CLCN4: variants seen among roughly 807,000 people sequenced by gnomAD.
The protein encoded by CLCN4 is H(+)/Cl(-) exchange transporter 4.
A neutral mutation model predicts 41.7 loss-of-function variants in CLCN4; 1 was observed. The ratio of observed to expected loss-of-function variants is 0.02; its 90% CI spans 0.01 to 0.11. The LOEUF (loss-of-function observed/expected upper bound fraction) is 0.11, where lower values mean the gene tolerates loss of function less well. Ranked by LOEUF, CLCN4 falls within the 10% of genes least tolerant of loss-of-function variation. The probability of loss-of-function intolerance (pLI) is 1.00; values close to 1 mark genes in which losing one functional copy is unlikely to be tolerated. For missense variants in CLCN4, 287 were observed against 661.0 expected (o/e 0.43, Z 6.20); for synonymous variants, 277 against 285.8 (o/e 0.97, Z 0.31).
chrX:10,194,831 CCT>C (rs1924054973), intron 4 of CLCN4, 78 bp from the exon 5 acceptor site: 3 of 1,005,609 alleles, frequency 3.0e-6, no homozygotes, highest in Non-Finnish European at 2.8e-6. Flanking sequence ...CTGATGTGCC[CCT>C]GTCTGGCCGC....
Position 10,229,633 on chromosome X carries a change from G to C in CLCN4, c.2193-3861G>C, listed in dbSNP as rs1025176844. On this transcript the variant is annotated intron_variant, in intron 12 of 12. Transcript: ENST00000380833. ...TTGTTCAATTCCCACCTATGAGTGA[G>C]AACATGCGGTGTTTGTTTTTTTGTC... Among the ~76,000 whole-genome samples the C allele has an allele frequency of 2.8e-5, 3 of 108,361 alleles. No homozygotes were observed. In the Admixed American group the frequency reaches 3.0e-4, roughly 11 times the overall value. 94.1% of individuals were successfully genotyped at this position (108,361 alleles called of 115,157 possible).
intron 2 of CLCN4, among the ~76,000 whole-genome samples, chrX:10,173,821 CAGGGAATCTGCTGGAATGT>C (rs977484323): frequency 1.8e-5 from 2 of 111,920 alleles, no homozygotes; most frequent in Non-Finnish European, 1.9e-5. Flanking sequence ...GAAAGAAACC[CAGGGAATCTGCTGGAATGT>C]AGGGAGCCTG....
At chrX:10,224,293 C>CGTGTGTGTGTGT (rs772983564) in intron 12 of CLCN4, among the ~76,000 whole-genome samples, 1,107 of 87,880 alleles carry the variant, frequency 0.013, 40 homozygotes, top group African/African-American at 0.044. Context: ...GGGAGGGTTC[C>CGTGTGTGTGTGT]GTGTGTGTGT....
Position 10,237,546 on chromosome X carries a change from T to TG in CLCN4, c.*3964dup, listed in dbSNP as rs1180164827. The TG allele has an allele frequency of 6.3e-5, 6 of 95,176 alleles. No individual in the cohort carries two copies. The highest frequency in any genetic ancestry group is 5.6e-4 in the East Asian group (1 of 1,791). 7.8% of individuals were successfully genotyped at this position (95,176 alleles called of 1,213,427 possible). On this transcript the variant is annotated 3_prime_UTR_variant, in exon 13 of 13. Coordinates refer to ENST00000380833, the MANE Select transcript of CLCN4 (RefSeq NM_001830.4). The stretch of plus-strand genomic sequence containing the variant: ...TTGGAACGACCACATAGCAACGTGT[T>TG]GGTTTTTTTTTATTGTAACACTCTG...
intron 9 of CLCN4, among the ~76,000 whole-genome samples, chrX:10,211,611 G>T (rs1050114731): frequency 3.6e-5 from 4 of 112,125 alleles, no homozygotes. Context: ...ACTTGAATTA[G>T]GTTAAAGTTC....
intron 6 of CLCN4, among the ~76,000 whole-genome samples, chrX:10,201,080 A>T (rs1347866846): frequency 1.8e-5 from 2 of 112,316 alleles, no homozygotes; most frequent in Non-Finnish European, 3.8e-5. Flanking sequence ...AGCAAGTTTT[A>T]CAAGGAGAAA....
intron 2 of CLCN4, among the ~76,000 whole-genome samples, chrX:10,162,977 G>A (rs1923145056): frequency 8.8e-6 from 1 of 113,103 alleles, no homozygotes; most frequent in African/African-American, 3.2e-5. Context: ...ATGATGTTCT[G>A]TGTAATTGAA....
At chrX:10,157,130 TTTGAGAGGAGTGACCTAGTAAAG>T in intron 1 of CLCN4, 30 bp downstream of exon 1, 1 of 296,179 alleles carries the variant, frequency 3.4e-6, no homozygotes, top group African/African-American at 2.7e-5. Flanking sequence ...GAAAAACAAA[TTTGAGAGGAGTGACCTAGTAAAG>T]TACACTGCGA....
chrX:10,201,556 A>T (rs1924238865), intron 6 of CLCN4, among the ~76,000 whole-genome samples: 1 of 112,097 alleles, frequency 8.9e-6, no homozygotes, highest in South Asian at 3.7e-4. Flanking sequence ...CCAACTAAAT[A>T]TGGAAACTGA....
chrX:10,218,021 G>T (rs1417014903), intron 11 of CLCN4, among the ~76,000 whole-genome samples: 1 of 111,660 alleles, frequency 9.0e-6, no homozygotes, highest in African/African-American at 3.3e-5. Flanking sequence ...GGGATTACAG[G>T]CATGAGCCAC....
intron 5 of CLCN4, 89 bp downstream of exon 5, chrX:10,195,187 A>T: frequency 1.1e-6 from 1 of 933,358 alleles, no homozygotes; most frequent in Non-Finnish European, 1.5e-6. Flanking sequence ...AATGTCTGTG[A>T]TTTCACCTTC....
intron 12 of CLCN4, among the ~76,000 whole-genome samples, chrX:10,232,586 A>C (rs142489780): frequency 0.022 from 2,453 of 112,048 alleles, 17 homozygotes; most frequent in Non-Finnish European, 0.032. Context: ...TTTCCAAAGA[A>C]GTTGTTCACT....
intron 5 of CLCN4, 33 bp downstream of exon 5, chrX:10,195,131 C>T (rs1429087380): frequency 5.2e-6 from 6 of 1,158,129 alleles, no homozygotes; most frequent in Admixed American, 4.4e-5. Flanking sequence ...GGCTGGGGAC[C>T]CCTGCCGTTC....
At chrX:10,230,866 G>C (rs1159147500) in intron 12 of CLCN4, among the ~76,000 whole-genome samples, 1 of 111,688 alleles carries the variant, frequency 9.0e-6, no homozygotes, top group African/African-American at 3.3e-5. Context: ...AACATCCATA[G>C]TTTACTTTAG....
chrX:10,162,249 C>T (rs1375949663), intron 2 of CLCN4, among the ~76,000 whole-genome samples: 1 of 110,924 alleles, frequency 9.0e-6, no homozygotes, highest in Non-Finnish European at 1.9e-5. Context: ...GAACTCCTGA[C>T]CTCAGGTGAT....
chrX:10,216,625 T>C lies in CLCN4; in HGVS notation c.1975+2546T>C, dbSNP rs1334765089. Reference sequence around the variant, plus strand: ...TGGTCTGGTGGATGATTTATTAGGCTGGTACAAAAGTAGTTGCGGTTTTTG... The same window carrying C: ...TGGTCTGGTGGATGATTTATTAGGCCGGTACAAAAGTAGTTGCGGTTTTTG... On this transcript the variant is annotated intron_variant, in intron 11 of 12. Coordinates refer to ENST00000380833, the MANE Select transcript of CLCN4 (RefSeq NM_001830.4). Among the ~76,000 whole-genome samples the C allele has an allele frequency of 2.7e-5, 3 of 109,734 alleles. No homozygotes were observed. The Admixed American group carries it at 2.9e-4, about 11-fold the overall frequency.
In CLCN4 at chrX:10,209,027, T is replaced by C. The variant is rs756707660; in HGVS notation, c.1389+437T>C. 5.4e-5 allele frequency among the ~76,000 whole-genome samples: 6 copies of C among 111,704 alleles called. No individual in the cohort carries two copies. In the South Asian group the frequency reaches 2.2e-3, roughly 42 times the overall value. ...TTGAGTATCAGCTGTATCTTAGGCATCGTGCTAAGTCTGAGGGATACAGAA... is the reference window on the plus strand; with the variant it reads ...TTGAGTATCAGCTGTATCTTAGGCACCGTGCTAAGTCTGAGGGATACAGAA... On this transcript the variant is annotated intron_variant, in intron 9 of 12. Coordinates refer to ENST00000380833, the MANE Select transcript of CLCN4 (RefSeq NM_001830.4).
intron 2 of CLCN4, among the ~76,000 whole-genome samples, chrX:10,175,875 A>C (rs764586221): frequency 0.023 from 914 of 40,088 alleles, no homozygotes; most frequent in Middle Eastern, 0.064. Flanking sequence ...TCTCTCTCCC[A>C]CCCTCTCTCT....
rs1925262175 is a variant in CLCN4 at position 10,236,727 on chromosome X, T to C, written c.*3143T>C. Reference sequence around the variant, plus strand: ...ATAAGCATCTTTCAGAATAAGGTTTTTTTTTTTTTCCTCTTCCAGAACCAA... The same window carrying C: ...ATAAGCATCTTTCAGAATAAGGTTTCTTTTTTTTTCCTCTTCCAGAACCAA... On this transcript the variant is annotated 3_prime_UTR_variant, in exon 13 of 13. Coordinates refer to ENST00000380833, the MANE Select transcript of CLCN4 (RefSeq NM_001830.4). 1 of 111,381 alleles carries C rather than the reference T, an allele frequency of 9.0e-6. No individual in the cohort carries two copies. Among genetic ancestry groups the C allele is most frequent in the South Asian group, 3.8e-4 (1 of 2,647 alleles). The allele number at this position is 111,381 out of a possible 1,213,427, so 9.2% of individuals were successfully genotyped here.
Sources: allele counts gnomAD v4.1 joint callset (sites outside exome capture counted in the v4.1 genomes callset), GRCh38; gene constraint gnomAD v4.1.1; transcripts MANE v1.5; gene names NCBI Gene and HGNC (gene_info 2026-07-23, HGNC 2026-07-21).